GRIN2A: variants seen among roughly 807,000 people sequenced by gnomAD.
GRIN2A encodes the protein glutamate receptor ionotropic, NMDA 2A.
GRIN2A carries 22 observed loss-of-function variants against 113.4 expected under a neutral mutation model. That is an observed-to-expected ratio of 0.19 (90% CI 0.14 to 0.28). The LOEUF (loss-of-function observed/expected upper bound fraction) is 0.28. Among genes scored for constraint, GRIN2A ranks in the 10% least tolerant of loss-of-function variants. The pLI is 1.00. For missense variants in GRIN2A, 1,502 were observed against 1,887.0 expected, an observed-to-expected ratio of 0.80 and a Z score of 3.78; for synonymous variants, 827 against 738.4, an observed-to-expected ratio of 1.12 and a Z score of -1.94.
intron 7 of GRIN2A, among the ~76,000 whole-genome samples, chr16:9,838,364 C>G (rs1006572330): frequency 1.3e-5 from 2 of 152,122 alleles, no homozygotes; most frequent in Admixed American, 6.5e-5. Context: ...TATCAGAGCA[C>G]AACTCACAAT....
At chr16:9,819,477 A>G (rs2042241307) in intron 10 of GRIN2A, among the ~76,000 whole-genome samples, 1 of 151,818 alleles carries the variant, frequency 6.6e-6, no homozygotes, top group Admixed American at 6.6e-5. Context: ...AGCTATGATT[A>G]CACTACTGTA....
chr16:9,887,707 C>A (rs2043611489), intron 4 of GRIN2A, among the ~76,000 whole-genome samples: 2 of 152,208 alleles, frequency 1.3e-5, no homozygotes, highest in South Asian at 4.2e-4. Flanking sequence ...AGTAAAATTG[C>A]TGGATAAGAT....
At chr16:9,998,106 C>A (rs1488437583) in intron 2 of GRIN2A, among the ~76,000 whole-genome samples, 1 of 151,810 alleles carries the variant, frequency 6.6e-6, no homozygotes, top group Non-Finnish European at 1.5e-5. Flanking sequence ...CTGTTTTTAC[C>A]CAAAAACATG....
chr16:9,925,633 ATG>A (rs2044449546), intron 3 of GRIN2A, among the ~76,000 whole-genome samples: 1 of 152,186 alleles, frequency 6.6e-6, no homozygotes, highest in South Asian at 2.1e-4. Context: ...CATAAATAAA[ATG>A]TGGTAAACTC....
intron 9 of GRIN2A, among the ~76,000 whole-genome samples, chr16:9,825,724 T>C (rs920824998): frequency 6.6e-5 from 10 of 152,134 alleles, no homozygotes; most frequent in Non-Finnish European, 8.8e-5. Flanking sequence ...AGGTGTGTCC[T>C]TGAGCAGAGA....
At chr16:9,950,500 C>G (rs2045152775) in intron 2 of GRIN2A, among the ~76,000 whole-genome samples, 1 of 152,114 alleles carries the variant, frequency 6.6e-6, no homozygotes, top group African/African-American at 2.4e-5. Flanking sequence ...TTCTAGGTAT[C>G]CAAAGCTCCC....
intron 2 of GRIN2A, among the ~76,000 whole-genome samples, chr16:9,971,901 C>G (rs1441482468): frequency 2.0e-5 from 3 of 152,180 alleles, no homozygotes; most frequent in Non-Finnish European, 2.9e-5. Context: ...AAGGGCTCAT[C>G]ATAGAGTTCT....
intron 2 of GRIN2A, among the ~76,000 whole-genome samples, chr16:10,066,645 T>G (rs1054437698): frequency 5.3e-5 from 8 of 152,130 alleles, no homozygotes; most frequent in African/African-American, 1.9e-4. Flanking sequence ...CTCTGAGACC[T>G]TAGGATGAGT....
chr16:9,756,638 A>G lies in GRIN2A; in HGVS notation c.*6511T>C, dbSNP rs1448152019. On this transcript the variant is annotated 3_prime_UTR_variant, in exon 13 of 13. Transcript: ENST00000330684. Reference sequence around the variant, plus strand: ...TTTCCTTATCTGTAAAATGGGAGCAATCATATTTATATCTTAAGGTTGTTT... The same window carrying G: ...TTTCCTTATCTGTAAAATGGGAGCAGTCATATTTATATCTTAAGGTTGTTT... 2.1e-5 allele frequency: 4 copies of G among 194,410 alleles called. No individual in the cohort carries two copies. The highest frequency in any genetic ancestry group is 6.1e-5 in the Admixed American group (1 of 16,458). 12.0% of individuals were successfully genotyped at this position (194,410 alleles called of 1,614,324 possible).
chr16:10,106,433 A>G (rs1306162861), intron 2 of GRIN2A, among the ~76,000 whole-genome samples: 2 of 151,988 alleles, frequency 1.3e-5, no homozygotes, highest in Non-Finnish European at 2.9e-5. Flanking sequence ...TTTACAATAA[A>G]TAAATAAAAA....
intron 2 of GRIN2A, among the ~76,000 whole-genome samples, chr16:10,137,155 G>A (rs759559794): frequency 8.5e-5 from 13 of 152,194 alleles, no homozygotes; most frequent in Non-Finnish European, 1.3e-4. Flanking sequence ...AAAAGACAGA[G>A]TCGGAGGGGT....
intron 3 of GRIN2A, among the ~76,000 whole-genome samples, chr16:9,904,537 A>C (rs1439803066): frequency 1.3e-5 from 2 of 151,970 alleles, no homozygotes; most frequent in Non-Finnish European, 2.9e-5. Flanking sequence ...AAGCCCAGCT[A>C]ATTTTTTGCA....
intron 2 of GRIN2A, among the ~76,000 whole-genome samples, chr16:10,135,217 T>G (rs1204249068): frequency 6.6e-6 from 1 of 152,230 alleles, no homozygotes; most frequent in Non-Finnish European, 1.5e-5. Flanking sequence ...AGATAAATGC[T>G]CTGCCACTAT....
At chr16:10,112,590 A>T in intron 2 of GRIN2A, 1 of 769,984 alleles carries the variant, frequency 1.3e-6, no homozygotes, top group South Asian at 1.3e-5. Flanking sequence ...CTTCTCAGAC[A>T]GGGTGCAGCT....
intron 2 of GRIN2A, among the ~76,000 whole-genome samples, chr16:10,114,036 G>T (rs1032354956): frequency 6.6e-6 from 1 of 151,598 alleles, no homozygotes; most frequent in Non-Finnish European, 1.5e-5. Context: ...GAAAAAAAAA[G>T]ATTTAATTAG....
intron 4 of GRIN2A, among the ~76,000 whole-genome samples, chr16:9,876,214 A>G (rs924132809): frequency 6.6e-6 from 1 of 152,142 alleles, no homozygotes; most frequent in African/African-American, 2.4e-5. Context: ...GGCCTCTGGA[A>G]TGTGCACAGA....
At chr16:9,928,792 C>T (rs899801811) in intron 3 of GRIN2A, among the ~76,000 whole-genome samples, 13 of 152,218 alleles carry the variant, frequency 8.5e-5, no homozygotes, top group Admixed American at 3.3e-4. Flanking sequence ...AGCTTCATCA[C>T]TTCCTTATCT....
chr16:9,768,027 C>A (rs1227169194), intron 12 of GRIN2A, among the ~76,000 whole-genome samples: 1 of 152,048 alleles, frequency 6.6e-6, no homozygotes, highest in Admixed American at 6.5e-5. Flanking sequence ...TCTGTCTGGC[C>A]CAGTGTTTTT....
chr16:9,939,173 T>A (rs1194589047), intron 2 of GRIN2A, among the ~76,000 whole-genome samples: 1 of 152,182 alleles, frequency 6.6e-6, no homozygotes, highest in Non-Finnish European at 1.5e-5. Context: ...TAAGTGTTCT[T>A]AATAAGAATT....
Sources: allele counts gnomAD v4.1 joint callset (sites outside exome capture counted in the v4.1 genomes callset), GRCh38; gene constraint gnomAD v4.1.1; transcripts MANE v1.5; gene names NCBI Gene and HGNC (gene_info 2026-07-23, HGNC 2026-07-21).